MECOM: variants seen among roughly 807,000 people sequenced by gnomAD.
MECOM encodes the protein MDS1 and EVI1 complex locus.
In MECOM, 13 loss-of-function variants were observed where a neutral mutation model predicts 116.3. The observed-to-expected ratio is 0.11, with a 90% CI of 0.07 to 0.18. The LOEUF is 0.18. MECOM is among the 10% of genes least tolerant of loss of function. The pLI, the probability that MECOM is intolerant of heterozygous loss-of-function variation, is 1.00. For missense variants in MECOM, 1,299 were observed against 1,509.0 expected (o/e 0.86, Z 2.31); for synonymous variants, 528 against 535.2 (o/e 0.99, Z 0.19).
intron 1 of MECOM, among the ~76,000 whole-genome samples, chr3:169,396,058 A>T (rs1003883838): frequency 1.2e-4 from 19 of 152,354 alleles, no homozygotes; most frequent in African/African-American, 4.1e-4. Flanking sequence ...AGCTTATTTT[A>T]AAAAGTACTA....
intron 2 of MECOM, among the ~76,000 whole-genome samples, chr3:169,228,749 C>T (rs1753038383): frequency 6.6e-6 from 1 of 152,152 alleles, no homozygotes; most frequent in South Asian, 2.1e-4. Flanking sequence ...AGTGTTTCGG[C>T]TTTCTTCATT....
chr3:169,147,406 C>G (rs1473130716), intron 2 of MECOM: 2 of 985,324 alleles, frequency 2.0e-6, no homozygotes, highest in Non-Finnish European at 2.4e-6. Flanking sequence ...AGGATCTGCT[C>G]GGCCATCCAG....
At chr3:169,252,298 A>C (rs554831942) in intron 2 of MECOM, among the ~76,000 whole-genome samples, 1 of 152,058 alleles carries the variant, frequency 6.6e-6, no homozygotes, top group African/African-American at 2.4e-5. Flanking sequence ...TGAGCTTTAA[A>C]TTTGAGATGG....
chr3:169,364,777 G>A (rs558841710), intron 2 of MECOM, among the ~76,000 whole-genome samples: 5 of 152,042 alleles, frequency 3.3e-5, no homozygotes, highest in South Asian at 4.1e-4. Flanking sequence ...CAAAATTGAT[G>A]ATGAAAGCAA....
rs3077288 is a variant in MECOM at position 169,263,520 on chromosome 3, G to GCACACA, written c.375+117661_375+117666dup. 2.9e-3 allele frequency among the ~76,000 whole-genome samples: 424 copies of GCACACA among 146,494 alleles called. 2 individuals are homozygous for GCACACA. Among genetic ancestry groups the GCACACA allele is most frequent in the African/African-American group, 9.3e-3 (374 of 40,274 alleles). Reference sequence around the variant, plus strand: ...TCTTTTGATCATACGCAGAGCACTTGCACACACACACACACACACACACAC... The same window carrying GCACACA: ...TCTTTTGATCATACGCAGAGCACTTGCACACACACACACACACACACACACACACAC... On this transcript the variant is annotated intron_variant, in intron 2 of 16. Coordinates refer to ENST00000651503, the MANE Select transcript of MECOM (RefSeq NM_004991.4).
chr3:169,621,016 A>C (rs950630616), intron 1 of MECOM, among the ~76,000 whole-genome samples: 2 of 152,204 alleles, frequency 1.3e-5, no homozygotes, highest in African/African-American at 4.8e-5. Flanking sequence ...TGAGCTTCAC[A>C]TTTCTAATCA....
chr3:169,427,012 AT>A (rs1560260093), intron 1 of MECOM, among the ~76,000 whole-genome samples: 1 of 152,138 alleles, frequency 6.6e-6, no homozygotes, highest in Non-Finnish European at 1.5e-5. Flanking sequence ...CAGAGCCTAT[AT>A]TCTTTCTACT....
In MECOM at chr3:169,381,642, G is replaced by A. The variant is rs552957908; in HGVS notation, c.38-118C>T. 3.2e-5 allele frequency: 24 copies of A among 756,292 alleles called. No homozygotes were observed. The East Asian group carries it at 4.4e-4, about 14-fold the overall frequency. 46.8% of individuals were successfully genotyped at this position (756,292 alleles called of 1,614,324 possible). ...GATAAACAGGAAAGACCATTGTTAC[G>A]ATGTGCCTTCATTAAAATCTTTATT... On this transcript the variant is annotated intron_variant, in intron 1 of 16. Coordinates refer to ENST00000651503, the MANE Select transcript of MECOM (RefSeq NM_004991.4).
chr3:169,173,928 T>G (rs991633215), intron 2 of MECOM, among the ~76,000 whole-genome samples: 1 of 152,208 alleles, frequency 6.6e-6, no homozygotes, highest in East Asian at 1.9e-4. Flanking sequence ...ACTTTGGACT[T>G]TATAAGTACT....
intron 1 of MECOM, among the ~76,000 whole-genome samples, chr3:169,414,235 C>T (rs949170237): frequency 6.6e-6 from 1 of 152,196 alleles, no homozygotes; most frequent in African/African-American, 2.4e-5. Context: ...ACTGGTGAGA[C>T]CCAGGCAAAC....
intron 1 of MECOM, among the ~76,000 whole-genome samples, chr3:169,428,040 C>A (rs1249181915): frequency 1.3e-5 from 2 of 152,130 alleles, no homozygotes; most frequent in African/African-American, 2.4e-5. Context: ...AAGGCCATGT[C>A]CTGGTGGCAG....
intron 2 of MECOM, among the ~76,000 whole-genome samples, chr3:169,377,416 C>G (rs912565535): frequency 6.6e-6 from 1 of 152,178 alleles, no homozygotes; most frequent in Non-Finnish European, 1.5e-5. Flanking sequence ...TTTTTGCAAT[C>G]TATCCATCTG....
chr3:169,242,913 T>A (rs1164898297), intron 2 of MECOM, among the ~76,000 whole-genome samples: 1 of 151,670 alleles, frequency 6.6e-6, no homozygotes, highest in Non-Finnish European at 1.5e-5. Context: ...AATAATCCCG[T>A]CCCCTCACAT....
chr3:169,186,072 C>T (rs1209366132), intron 2 of MECOM, among the ~76,000 whole-genome samples: 1 of 152,086 alleles, frequency 6.6e-6, no homozygotes, highest in East Asian at 1.9e-4. Context: ...GTATCTCACC[C>T]AACCATTGCC....
intron 2 of MECOM, among the ~76,000 whole-genome samples, chr3:169,153,889 G>T (rs1203413465): frequency 6.6e-6 from 1 of 152,182 alleles, no homozygotes; most frequent in Admixed American, 6.5e-5. Flanking sequence ...TTGTGTTTGT[G>T]TAACGGGTTA....
At position 169,100,597 on chromosome 3, in the gene MECOM, T is replaced by C. The variant is rs575914766; in HGVS notation, c.2849+288A>G. 3.9e-5 allele frequency among the ~76,000 whole-genome samples: 6 copies of C among 152,248 alleles called. No individual in the cohort carries two copies. The South Asian group carries it at 1.2e-3, about 32-fold the overall frequency. On this transcript the variant is annotated intron_variant, in intron 12 of 16. Coordinates refer to ENST00000651503, the MANE Select transcript of MECOM (RefSeq NM_004991.4). ...GAGAACAAATGATAATAAAAAATAATATTTAAAATGGCTAGCATTTCTTAA... is the reference window on the plus strand; with the variant it reads ...GAGAACAAATGATAATAAAAAATAACATTTAAAATGGCTAGCATTTCTTAA...
At chr3:169,143,628 T>C in intron 3 of MECOM, 70 bp downstream of exon 3, 1 of 1,432,686 alleles carries the variant, frequency 7.0e-7, no homozygotes, top group Non-Finnish European at 9.3e-7. Context: ...CTTACTGTTA[T>C]TTTTATTCTT....
intron 2 of MECOM, among the ~76,000 whole-genome samples, chr3:169,168,337 C>CTTTTTTT (rs1166736467): frequency 3.4e-4 from 37 of 108,454 alleles, no homozygotes; most frequent in Admixed American, 1.6e-3. Flanking sequence ...ACTTGGCCTG[C>CTTTTTTT]TTTTTTTTTT....
At chr3:169,480,407 C>T (rs62294353) in intron 1 of MECOM, among the ~76,000 whole-genome samples, 1,594 of 152,162 alleles carry the variant, frequency 0.01, 14 homozygotes, top group Admixed American at 0.022. Context: ...GCTGGCCCTA[C>T]ACTGCTCTTC....
Sources: gnomAD v4.1 joint callset for allele counts (sites outside exome capture counted in the v4.1 genomes callset) on GRCh38, gnomAD v4.1.1 for gene constraint, MANE v1.5 for transcripts, NCBI Gene and HGNC (gene_info 2026-07-23, HGNC 2026-07-21) for gene names.